ANK2: variants seen among roughly 807,000 people sequenced by gnomAD.
ANK2 encodes ankyrin-2.
In ANK2, 83 loss-of-function variants were observed where a neutral mutation model predicts 360.5. The observed-to-expected ratio is 0.23, with a 90% CI of 0.19 to 0.28. ANK2 has a LOEUF of 0.28. ANK2 is among the 10% of genes least tolerant of loss of function. ANK2 has a pLI of 1.00. For missense variants in ANK2, 4,201 were observed against 4,795.7 expected (o/e 0.88, Z 3.66); for synonymous variants, 1,740 against 1,759.5 (o/e 0.99, Z 0.28).
At chr4:112,766,141 G>A in the ANK2 span, among the ~76,000 whole-genome samples, 1 of 151,996 alleles carries the variant, frequency 6.6e-6, no homozygotes, top group Admixed American at 6.6e-5. Flanking sequence ...AGACCAGCCT[G>A]GCCAATATGG....
At chr4:113,120,120 A>G (rs1306848901) in intron 1 of ANK2, among the ~76,000 whole-genome samples, 1 of 152,154 alleles carries the variant, frequency 6.6e-6, no homozygotes, top group Non-Finnish European at 1.5e-5. Flanking sequence ...TGGTTAGCTA[A>G]TATTTAAATA....
the ANK2 span, among the ~76,000 whole-genome samples, chr4:112,800,656 GCTTTT>G: frequency 2.0e-5 from 3 of 152,140 alleles, no homozygotes; most frequent in South Asian, 6.2e-4. Context: ...AGCCTCACTG[GCTTTT>G]CTTTTCTTTT....
chr4:113,250,757 C>CG (rs2045792880), intron 10 of ANK2, among the ~76,000 whole-genome samples: 2 of 123,346 alleles, frequency 1.6e-5, no homozygotes, highest in East Asian at 2.7e-4. Flanking sequence ...ATACCACCGC[C>CG]CCCCCCCCCG....
At chr4:113,057,063 C>T (rs1445887218) in intron 1 of ANK2, among the ~76,000 whole-genome samples, 1 of 152,110 alleles carries the variant, frequency 6.6e-6, no homozygotes, top group Non-Finnish European at 1.5e-5. Context: ...TATTGGTTTG[C>T]TGAGTGTATA....
chr4:113,287,722 A>G lies in ANK2; in HGVS notation c.2178+19A>G, dbSNP rs575019205. 6 of 1,583,416 alleles carry G rather than the reference A, an allele frequency of 3.8e-6. No individual in the cohort carries two copies. Among genetic ancestry groups the G allele is most frequent in the East Asian group, 2.2e-5 (1 of 44,642 alleles). On this transcript the variant is annotated intron_variant, in intron 19 of 45. Coordinates refer to ENST00000357077, the MANE Select transcript of ANK2 (RefSeq NM_001148.6). ...TACAAAGGTAAAGCAAATCACTCTC[A>G]GTATTGTGACAGGTTCTGGCTGGGA...
At chr4:112,787,662 G>T in the ANK2 span, among the ~76,000 whole-genome samples, 1 of 152,184 alleles carries the variant, frequency 6.6e-6, no homozygotes, top group East Asian at 1.9e-4. Flanking sequence ...CTTGGGTCAG[G>T]CCCACTCTGT....
At chr4:113,027,643 T>C (rs2059561931) in intron 2 of ANK2, among the ~76,000 whole-genome samples, 1 of 152,156 alleles carries the variant, frequency 6.6e-6, no homozygotes, top group East Asian at 1.9e-4. Flanking sequence ...CATTTCCTTT[T>C]ATCCCTATTG....
chr4:113,257,457 A>C (rs1586351656), intron 11 of ANK2, among the ~76,000 whole-genome samples: 2 of 152,326 alleles, frequency 1.3e-5, no homozygotes, highest in Middle Eastern at 3.4e-3. Flanking sequence ...AATAAAATTT[A>C]TCTCATTGGC....
At chr4:113,090,397 A>G (rs2087268941) in intron 1 of ANK2, among the ~76,000 whole-genome samples, 1 of 152,126 alleles carries the variant, frequency 6.6e-6, no homozygotes, top group Admixed American at 6.5e-5. Context: ...TATCCTCTTG[A>G]TTACTTCTTT....
At chr4:113,288,268 A>T in intron 19 of ANK2, 120 bp from the exon 20 acceptor site, 2 of 840,336 alleles carry the variant, frequency 2.4e-6, no homozygotes, top group African/African-American at 3.4e-5. Flanking sequence ...TAATATCTTT[A>T]GTCAAATGGA....
chr4:112,874,006 G>A lies in ANK2; in HGVS notation c.-39-30449G>A, dbSNP rs548905361. On this transcript the variant is annotated intron_variant, in intron 1 of 30. Coordinates refer to the ANK2 transcript ENST00000503271. ...ATTTAATAAATAAACATTTGAGAAA[G>A]TTTCCAGCTTTAATTTTGAAGATGG... Among the ~76,000 whole-genome samples the A allele has an allele frequency of 2.7e-5, 4 of 150,932 alleles. No homozygotes were observed. The East Asian group carries it at 7.9e-4, about 30-fold the overall frequency.
At chr4:113,110,636 G>T (rs576733387) in intron 1 of ANK2, among the ~76,000 whole-genome samples, 1 of 152,124 alleles carries the variant, frequency 6.6e-6, no homozygotes, top group Non-Finnish European at 1.5e-5. Flanking sequence ...TTTTCACCAG[G>T]TGAAAAATGA....
chr4:113,301,081 C>G (rs2074697041), intron 22 of ANK2, among the ~76,000 whole-genome samples: 1 of 152,092 alleles, frequency 6.6e-6, no homozygotes, highest in Admixed American at 6.5e-5. Flanking sequence ...AGGTCAAAGC[C>G]TAAAAAACTA....
At chr4:113,007,368 A>G (rs2053254336) in intron 2 of ANK2, among the ~76,000 whole-genome samples, 1 of 152,176 alleles carries the variant, frequency 6.6e-6, no homozygotes, top group African/African-American at 2.4e-5. Context: ...CTGGTCACAG[A>G]GCACCCAAAG....
chr4:113,329,580 G>A (rs1588335783), intron 26 of ANK2, among the ~76,000 whole-genome samples: 1 of 152,082 alleles, frequency 6.6e-6, no homozygotes, highest in African/African-American at 2.4e-5. Context: ...GTGTATGGGC[G>A]GGCCTACTTG....
Position 112,905,538 on chromosome 4 carries a change from A to G in ANK2, c.21+1024A>G, listed in dbSNP as rs569582816. On this transcript the variant is annotated intron_variant, in intron 2 of 30. Transcript: ENST00000503271. ...CTTAAAATTTTATCCTCTTTGAATG[A>G]TAATTATTTAACATACATTTTCTAT... is the stretch of plus-strand genomic sequence containing the variant. 2.5e-4 allele frequency among the ~76,000 whole-genome samples: 38 copies of G among 152,368 alleles called. 1 individual carries two copies. The highest frequency in any genetic ancestry group is 8.2e-4 in the African/African-American group (34 of 41,594).
chr4:112,768,400 C>A, the ANK2 span, among the ~76,000 whole-genome samples: 2 of 151,990 alleles, frequency 1.3e-5, no homozygotes, highest in Non-Finnish European at 2.9e-5. Flanking sequence ...ACTACAGGCT[C>A]ATGCCACCAT....
At chr4:113,273,727 A>C (rs932756740) in intron 14 of ANK2, among the ~76,000 whole-genome samples, 1 of 152,232 alleles carries the variant, frequency 6.6e-6, no homozygotes, top group African/African-American at 2.4e-5. Flanking sequence ...TACACTTCAG[A>C]GTCAGGTGAT....
chr4:113,160,355 C>T, intron 1 of ANK2: 1 of 418,668 alleles, frequency 2.4e-6, no homozygotes, highest in Non-Finnish European at 4.7e-6. Flanking sequence ...CATGAGTCAC[C>T]ACATCCAGCG....
Sources: gnomAD v4.1 joint callset for allele counts (sites outside exome capture counted in the v4.1 genomes callset) on GRCh38, gnomAD v4.1.1 for gene constraint, MANE v1.5 for transcripts, NCBI Gene and HGNC (gene_info 2026-07-23, HGNC 2026-07-21) for gene names.